MAP2K1: variants seen among roughly 807,000 people sequenced by gnomAD.
The protein encoded by MAP2K1 is dual specificity mitogen-activated protein kinase kinase 1.
A neutral mutation model predicts 46.3 loss-of-function variants in MAP2K1; 16 were observed. The ratio of observed to expected loss-of-function variants is 0.35; its 90% confidence interval spans 0.23 to 0.52. MAP2K1 has a LOEUF of 0.52. Ranked by LOEUF, MAP2K1 falls within the 20% of genes least tolerant of loss-of-function variation. The probability of loss-of-function intolerance (pLI) is 0.94; values close to 1 mark genes in which losing one functional copy is unlikely to be tolerated. For missense variants in MAP2K1, 263 were observed against 497.1 expected (o/e 0.53, Z 4.48); for synonymous variants, 183 against 185.6 (o/e 0.99, Z 0.11).
chr15:66,460,390 G>A (rs1892287218), intron 5 of MAP2K1, among the ~76,000 whole-genome samples: 1 of 152,182 alleles, frequency 6.6e-6, no homozygotes. Context: ...TGAAGCATAG[G>A]TAGAAGTTAT....
intron 5 of MAP2K1, among the ~76,000 whole-genome samples, chr15:66,475,543 C>T (rs575063692): frequency 4.9e-4 from 74 of 152,248 alleles, no homozygotes; most frequent in African/African-American, 1.7e-3. Context: ...CAAGCCCCAC[C>T]GTCTTCCATC....
chr15:66,387,848 A>G (rs2140512495), intron 1 of MAP2K1, among the ~76,000 whole-genome samples: 1 of 152,312 alleles, frequency 6.6e-6, no homozygotes, highest in Non-Finnish European at 1.5e-5. Context: ...AGCTCAGGGT[A>G]TTAAGTGTGG....
chr15:66,424,220 G>A (rs2093451258), intron 1 of MAP2K1, among the ~76,000 whole-genome samples: 1 of 151,760 alleles, frequency 6.6e-6, no homozygotes, highest in South Asian at 2.1e-4. Flanking sequence ...ACCATGCCCA[G>A]CTAATTTTTA....
intron 5 of MAP2K1, among the ~76,000 whole-genome samples, chr15:66,448,425 G>C (rs945116400): frequency 1.3e-5 from 2 of 152,176 alleles, no homozygotes; most frequent in African/African-American, 2.4e-5. Flanking sequence ...CACTGCATTG[G>C]GGGTAGAGTG....
chr15:66,404,269 T>TTG (rs917314494), intron 1 of MAP2K1, among the ~76,000 whole-genome samples: 31 of 152,134 alleles, frequency 2.0e-4, no homozygotes, highest in Admixed American at 1.8e-3. Context: ...GGAGAATCAC[T>TTG]TGAACCAGGG....
chr15:66,431,370 A>G (rs1174652325), intron 1 of MAP2K1, among the ~76,000 whole-genome samples: 3 of 152,170 alleles, frequency 2.0e-5, no homozygotes, highest in Admixed American at 1.3e-4. Context: ...TTCATTATTG[A>G]TATCTTTTTA....
intron 5 of MAP2K1, among the ~76,000 whole-genome samples, chr15:66,447,716 AAT>A (rs1180069631): frequency 6.6e-6 from 1 of 151,970 alleles, no homozygotes; most frequent in Admixed American, 6.6e-5. Context: ...AATTGTAAAA[AAT>A]ATATACATAA....
chr15:66,487,673 T>C (rs1468409903), intron 8 of MAP2K1, among the ~76,000 whole-genome samples: 1 of 152,208 alleles, frequency 6.6e-6, no homozygotes, highest in Non-Finnish European at 1.5e-5. Context: ...CTCTCTTTAC[T>C]GTATGCACAG....
chr15:66,488,941 TTA>T lies in MAP2K1; in HGVS notation c.961-273_961-272del, dbSNP rs1893145826. ...ACTGAGGCTCATAGAGGAATAGTGA[TTA>T]GTTCAAAATCACCCGACAAGTGAGT... On this transcript the variant is annotated intron_variant, in intron 8 of 10. Transcript: ENST00000307102. The T allele has an allele frequency of 7.3e-6, 4 of 546,852 alleles. No homozygotes were observed. The Middle Eastern group carries it at 2.0e-3, about 272-fold the overall frequency. The allele number at this position is 546,852 out of a possible 1,614,324, so 33.9% of individuals were successfully genotyped here. A position where few individuals can be genotyped will look rare whatever the true frequency, so the allele number is the denominator to read the frequency against.
chr15:66,455,852 G>A (rs1290004568), intron 5 of MAP2K1, among the ~76,000 whole-genome samples: 1 of 152,192 alleles, frequency 6.6e-6, no homozygotes, highest in African/African-American at 2.4e-5. Flanking sequence ...GATTTGTTCT[G>A]TTATTATACA....
At chr15:66,469,693 GACACACACACAC>G (rs56197290) in intron 5 of MAP2K1, among the ~76,000 whole-genome samples, 4 of 84,930 alleles carry the variant, frequency 4.7e-5, no homozygotes, top group East Asian at 5.4e-4. Flanking sequence ...TCCTTTTAAA[GACACACACACAC>G]ACACACACAC....
intron 5 of MAP2K1, among the ~76,000 whole-genome samples, chr15:66,465,968 T>C (rs1428007729): frequency 6.6e-6 from 1 of 152,222 alleles, no homozygotes; most frequent in Non-Finnish European, 1.5e-5. Context: ...CATGGATTTG[T>C]ACCATCAAAT....
At chr15:66,411,126 A>C (rs1346609196) in intron 1 of MAP2K1, among the ~76,000 whole-genome samples, 2 of 151,732 alleles carry the variant, frequency 1.3e-5, no homozygotes, top group East Asian at 1.9e-4. Context: ...TTGACTGATT[A>C]AGCAAGGCTG....
intron 1 of MAP2K1, among the ~76,000 whole-genome samples, chr15:66,402,510 G>T (rs995503329): frequency 6.6e-6 from 1 of 152,012 alleles, no homozygotes; most frequent in African/African-American, 2.4e-5. Context: ...AATTTGGTGG[G>T]GTTAAGGAAA....
rs115425795 is a variant in MAP2K1, at chr15:66,485,342, G to A, written c.895+151G>A. ...GCTAGGGCCAGGGGAAGCAGCAAGG[G>A]TCTCCAGGTGGGTGTTGTTACTACC... On this transcript the variant is annotated intron_variant, in intron 7 of 10. Coordinates refer to ENST00000307102, the MANE Select transcript of MAP2K1 (RefSeq NM_002755.4). 1,759 of 731,506 alleles carry A rather than the reference G, an allele frequency of 2.4e-3. 21 individuals are homozygous for A. The African/African-American group carries it at 0.027, about 11-fold the overall frequency. The allele number at this position is 731,506 out of a possible 1,614,324, so 45.3% of individuals were successfully genotyped here. A position where few individuals can be genotyped will look rare whatever the true frequency, so the allele number is the denominator to read the frequency against.
chr15:66,420,721 A>ATATGTGTGTGTG (rs1461381065), intron 1 of MAP2K1, among the ~76,000 whole-genome samples: 2 of 29,684 alleles, frequency 6.7e-5, no homozygotes, highest in African/African-American at 2.4e-4. Context: ...ATATATATAT[A>ATATGTGTGTGTG]TGTGTGTGTG....
At chr15:66,476,775 G>A (rs1376785523) in intron 5 of MAP2K1, among the ~76,000 whole-genome samples, 2 of 152,332 alleles carry the variant, frequency 1.3e-5, no homozygotes, top group Non-Finnish European at 2.9e-5. Context: ...GGGGGAGGGA[G>A]AAGATGCTGG....
In MAP2K1 at chr15:66,408,559, T is replaced by C. The variant is rs151119669; in HGVS notation, c.80+21132T>C. ...GCGTGTGTGTGGGGGTGGTATGGGG[T>C]TGTGTTGGGCGGGGGTCAAGAGGGG... On this transcript the variant is annotated intron_variant, in intron 1 of 10. Coordinates refer to ENST00000307102, the MANE Select transcript of MAP2K1 (RefSeq NM_002755.4). Among the ~76,000 whole-genome samples, 448 of 151,752 alleles carry C rather than the reference T, an allele frequency of 3.0e-3. 1 individual carries two copies. Among genetic ancestry groups the C allele is most frequent in the African/African-American group, 0.01 (417 of 41,358 alleles).
intron 1 of MAP2K1, among the ~76,000 whole-genome samples, chr15:66,389,789 G>C (rs1401478136): frequency 6.6e-6 from 1 of 151,894 alleles, no homozygotes; most frequent in Non-Finnish European, 1.5e-5. Flanking sequence ...GGTCAGGCTG[G>C]TCTCAAACTC....
Sources: gnomAD v4.1 joint callset for allele counts (sites outside exome capture counted in the v4.1 genomes callset) on GRCh38, gnomAD v4.1.1 for gene constraint, MANE v1.5 for transcripts, NCBI Gene and HGNC (gene_info 2026-07-23, HGNC 2026-07-21) for gene names.